The following TAGAP variants were observed in gnomAD, a reference collection of about 807,000 sequenced individuals.
TAGAP encodes the protein T-cell activation Rho GTPase-activating protein.
A neutral mutation model predicts 36.0 loss-of-function variants in TAGAP; 16 were observed. The observed-to-expected ratio is 0.44, with a 90% confidence interval of 0.30 to 0.68. TAGAP has a LOEUF of 0.68. TAGAP is among the 30% of genes least tolerant of loss of function. The probability of loss-of-function intolerance (pLI) is 0.09; values close to 1 mark genes in which losing one functional copy is unlikely to be tolerated. For missense variants in TAGAP, 794 were observed against 921.5 expected, an observed-to-expected ratio of 0.86 and a Z score of 1.79; for synonymous variants, 372 against 377.4, an observed-to-expected ratio of 0.99 and a Z score of 0.17.
intron 6 of TAGAP, 32 bp from the exon 7 acceptor site, chr6:159,040,864 G>T: frequency 3.3e-6 from 5 of 1,536,620 alleles, no homozygotes; most frequent in Non-Finnish European, 4.5e-6. Context: ...TTGGCCTATT[G>T]GTACTGTATG....
rs1453034134 is a variant in TAGAP at position 159,043,987 on chromosome 6, A to T, written c.72T>A (p.Cys24Ter). ...NANNMETLIE[C>*]QSEGDIKEHP... ...AAAATTGCTTTCTTACCTCTGATTGACATTCGATTAGTGTCTCCATATTAT... is the reference window on the plus strand; with the variant it reads ...AAAATTGCTTTCTTACCTCTGATTGTCATTCGATTAGTGTCTCCATATTAT... Residue 24 changes from cysteine (C) to a stop codon, truncating the protein, a stop_gained, in exon 3 of 10, where the codon TGT becomes TGA. Transcript: ENST00000367066. LOFTEE classifies it high-confidence loss of function. 1 of 1,613,620 alleles carries T rather than the reference A, an allele frequency of 6.2e-7. No homozygotes were observed. Among genetic ancestry groups the T allele is most frequent in the East Asian group, 2.2e-5 (1 of 44,888 alleles).
In TAGAP at chr6:159,042,251, C is replaced by T. The variant is rs761446718; in HGVS notation, c.149-7G>A. The T allele has an allele frequency of 8.7e-6, 14 of 1,602,518 alleles. No individual in the cohort carries two copies. The South Asian group carries it at 1.5e-4, about 17-fold the overall frequency. ...TTCTTTCTCTTCTTAACTTCTACAG[C>T]CAAGAAAACAAGGCAACGAGAAAAA... is the stretch of plus-strand genomic sequence containing the variant. On this transcript the variant is annotated splice_polypyrimidine_tract_variant and splice_region_variant and intron_variant, in intron 4 of 9. Coordinates refer to ENST00000367066, the MANE Select transcript of TAGAP (RefSeq NM_054114.5).
Position 159,035,687 on chromosome 6 carries a change from G to T in TAGAP, c.*140C>A. The T allele has an allele frequency of 1.3e-6, 1 of 770,832 alleles. No homozygotes were observed. The highest frequency in any genetic ancestry group is 2.0e-6 in the Non-Finnish European group (1 of 493,446). 47.7% of individuals were successfully genotyped at this position (770,832 alleles called of 1,614,324 possible). On this transcript the variant is annotated 3_prime_UTR_variant, in exon 10 of 10. Transcript: ENST00000367066. ...TCTGATGCGCCATGGCCATGGTGTAGCTATCCTCACTGAGGAGGGCTTTCC... is the reference window on the plus strand; with the variant it reads ...TCTGATGCGCCATGGCCATGGTGTATCTATCCTCACTGAGGAGGGCTTTCC...
chr6:159,041,449 C>T lies in TAGAP; in HGVS notation c.382G>A (p.Glu128Lys). The T allele has an allele frequency of 6.2e-7, 1 of 1,614,184 alleles. No individual in the cohort carries two copies. ...TCCTTCAGCTCCTTACGGGCTTTCTCGTTGGCTGCTCTCCTGAATATCCCT... is the reference window on the plus strand; with the variant it reads ...TCCTTCAGCTCCTTACGGGCTTTCTTGTTGGCTGCTCTCCTGAATATCCCT... ...TEGIFRRAAN[E>K]KARKELKEEL... Residue 128 changes from glutamate to lysine, a missense_variant, in exon 6 of 10, where the codon GAG becomes AAG. By Grantham distance (56) the Glu-to-Lys change is moderately conservative. Coordinates refer to ENST00000367066, the MANE Select transcript of TAGAP (RefSeq NM_054114.5). This position sits in a 1 kb window ranked among gnomAD's most constrained non-coding sequence, Gnocchi z 4.1.
At position 159,036,768 on chromosome 6, in the gene TAGAP, C is replaced by T; in HGVS notation, c.1255G>A (p.Glu419Lys). ...VGSRLESEEAEDPFPEEVFPA... is the reference protein window; with the variant it reads ...VGSRLESEEAKDPFPEEVFPA... ...AAGACCTCCTCTGGAAATGGGTCTT[C>T]AGCCTCCTCACTTTCCAAACGAGAG... Residue 419 changes from glutamate (E) to lysine (K), a missense_variant, in exon 10 of 10, where the codon GAA becomes AAA. Coordinates refer to ENST00000367066, the MANE Select transcript of TAGAP (RefSeq NM_054114.5). The surrounding 1 kb of genome is among the most constrained non-coding windows in gnomAD (Gnocchi z 4.9). 6.2e-7 allele frequency: 1 copy of T among 1,614,206 alleles called. No homozygotes were observed. The highest frequency in any genetic ancestry group is 8.5e-7 in the Non-Finnish European group (1 of 1,180,024).
rs762424596 is a variant in TAGAP, at chr6:159,036,684, G to A, written c.1339C>T (p.Pro447Ser). The A allele has an allele frequency of 6.2e-7, 1 of 1,614,014 alleles. No individual in the cohort carries two copies. The highest frequency in any genetic ancestry group is 2.2e-5 in the East Asian group (1 of 44,868). ...PVDLKIKNLA[P>S]GSVLPRALVL... is the part of the protein sequence containing the mutation. ...AGTGCCCGCGGGAGCACCGAACCCG[G>A]GGCCAAGTTCTTGATCTTCAGGTCC... Residue 447 changes from proline to serine, a missense_variant, in exon 10 of 10, where the codon CCG (proline) becomes TCG (serine). By Grantham distance (74) the Pro-to-Ser change is moderately conservative. Transcript: ENST00000367066. The surrounding 1 kb of genome is among the most constrained non-coding windows in gnomAD (Gnocchi z 4.9).
intron 4 of TAGAP, chr6:159,042,475 A>G (rs756005046): frequency 2.4e-5 from 20 of 820,894 alleles, no homozygotes; most frequent in African/African-American, 3.4e-5. Flanking sequence ...AAACAGCAAC[A>G]CCAGAGTTCC....
chr6:159,044,961 C>G lies in TAGAP; in HGVS notation c.-141G>C. Reference sequence around the variant, plus strand: ...GAAACAGCATAACTCTCTGCTCCTTCTAGTCCACTGGGAGAGAGAGAGACC... The same window carrying G: ...GAAACAGCATAACTCTCTGCTCCTTGTAGTCCACTGGGAGAGAGAGAGACC... On this transcript the variant is annotated 5_prime_UTR_variant, in exon 1 of 10. Coordinates refer to ENST00000367066, the MANE Select transcript of TAGAP (RefSeq NM_054114.5). 2.5e-6 allele frequency: 1 copy of G among 398,578 alleles called. No homozygotes were observed. The highest frequency in any genetic ancestry group is 4.4e-6 in the Non-Finnish European group (1 of 226,056). The allele number at this position is 398,578 out of a possible 1,614,324, so 24.7% of individuals were successfully genotyped here. A position where few individuals can be genotyped will look rare whatever the true frequency, so the allele number is the denominator to read the frequency against.
intron 3 of TAGAP, 53 bp from the exon 4 acceptor site, chr6:159,043,708 T>A (rs1354638031): frequency 5.2e-6 from 8 of 1,543,148 alleles, no homozygotes; most frequent in African/African-American, 1.4e-5. Context: ...ACCTATCGAG[T>A]CTTTCCCCAC....
chr6:159,036,128 C>G lies in TAGAP; in HGVS notation c.1895G>C (p.Cys632Ser), dbSNP rs1293359751. The change falls in exon 10 of 10, where the codon TGC becomes TCC. Residue 632 changes from cysteine to serine, a missense_variant. By Grantham distance (112) the Cys-to-Ser change is moderately radical. Transcript: ENST00000367066. The surrounding 1 kb of genome is among the most constrained non-coding windows in gnomAD (Gnocchi z 4.9). ...AGCAGGTGGAAGAGGGGGTAGGAGGCAGTGCGCCTCCAGCATCCTCGCCCT... is the reference window on the plus strand; with the variant it reads ...AGCAGGTGGAAGAGGGGGTAGGAGGGAGTGCGCCTCCAGCATCCTCGCCCT... ...SMRARMLEAH[C>S]LLPPLPPAHH... The G allele has an allele frequency of 6.2e-7, 1 of 1,613,444 alleles. No homozygotes were observed. The highest frequency in any genetic ancestry group is 1.3e-5 in the African/African-American group (1 of 74,854).
In TAGAP at chr6:159,040,717, A is replaced by C. The variant is rs758784684; in HGVS notation, c.587+6T>G. ...CTGGCAATGACCGATGACTTTGATGACTTACTGTTTCAGGGCCTCGATTCT... is the reference window on the plus strand; with the variant it reads ...CTGGCAATGACCGATGACTTTGATGCCTTACTGTTTCAGGGCCTCGATTCT... On this transcript the variant is annotated splice_donor_region_variant and intron_variant, in intron 7 of 9. Transcript: ENST00000367066. 66 of 1,612,532 alleles carry C rather than the reference A, an allele frequency of 4.1e-5. No homozygotes were observed. The highest frequency in any genetic ancestry group is 5.1e-5 in the Non-Finnish European group (60 of 1,178,782).
At position 159,036,607 on chromosome 6, in the gene TAGAP, C is replaced by T. The variant is rs544687859; in HGVS notation, c.1416G>A (p.Ser472=). ...TGGGACTGGAAGGAGAAGCCACGGG[C>T]GAGCTGTCAGAGGACGCGTCCAGCG... The part of the protein sequence containing the change: ...SSSLDASSDS[S]PVASPSSPKR... Residue 472 remains serine (S), a synonymous_variant, in exon 10 of 10, where the codon TCG becomes TCA. Coordinates refer to ENST00000367066, the MANE Select transcript of TAGAP (RefSeq NM_054114.5). This position sits in a 1 kb window ranked among gnomAD's most constrained non-coding sequence, Gnocchi z 4.9. 3 of 1,614,108 alleles carry T rather than the reference C, an allele frequency of 1.9e-6. No homozygotes were observed. Among genetic ancestry groups the T allele is most frequent in the Admixed American group, 1.7e-5 (1 of 60,026 alleles).
In TAGAP at chr6:159,037,157, T is replaced by C; in HGVS notation, c.899-33A>G. 1 of 1,502,952 alleles carries C rather than the reference T, an allele frequency of 6.7e-7. No individual in the cohort carries two copies. Among genetic ancestry groups the C allele is most frequent in the Non-Finnish European group, 8.9e-7 (1 of 1,127,520 alleles). The allele number at this position is 1,502,952 out of a possible 1,614,324, so 93.1% of individuals were successfully genotyped here. On this transcript the variant is annotated intron_variant, in intron 9 of 9. Transcript: ENST00000367066. The surrounding 1 kb of genome is among the most constrained non-coding windows in gnomAD (Gnocchi z 5.1). Reference sequence around the variant, plus strand: ...AAGTCAAGCAGCAGTTGAACATTTGTTTGGGTTTATTTATTTATTTATTTT... The same window carrying C: ...AAGTCAAGCAGCAGTTGAACATTTGCTTGGGTTTATTTATTTATTTATTTT...
chr6:159,036,283 A>G lies in TAGAP; in HGVS notation c.1740T>C (p.Asp580=). 6.2e-7 allele frequency: 1 copy of G among 1,611,770 alleles called. No homozygotes were observed. The highest frequency in any genetic ancestry group is 1.6e-4 in the Middle Eastern group (1 of 6,062). Residue 580 remains aspartate (D), a synonymous_variant, in exon 10 of 10, where the codon GAT becomes GAC. Transcript: ENST00000367066. The surrounding 1 kb of genome is among the most constrained non-coding windows in gnomAD (Gnocchi z 4.9). ...CLRPHALSVD[D]VFQGADWERP... is the part of the protein sequence containing the mutation. The stretch of plus-strand genomic sequence containing the variant: ...TCTCCCAGTCAGCTCCCTGGAACAC[A>G]TCATCCACCGAGAGGGCGTGGGGTC...
chr6:159,038,813 G>T, intron 8 of TAGAP: 1 of 903,988 alleles, frequency 1.1e-6, no homozygotes, highest in Non-Finnish European at 1.5e-6. Context: ...CAGATTGATA[G>T]ACTGATAGAC....
Position 159,039,274 on chromosome 6 carries a change from A to G in TAGAP, c.623T>C (p.Leu208Pro). The G allele has an allele frequency of 6.2e-7, 1 of 1,613,740 alleles. No individual in the cohort carries two copies. Among genetic ancestry groups the G allele is most frequent in the Non-Finnish European group, 8.5e-7 (1 of 1,179,940 alleles). Residue 208 changes from leucine to proline, a missense_variant, in exon 8 of 10, where the codon CTA becomes CCA. Coordinates refer to ENST00000367066, the MANE Select transcript of TAGAP (RefSeq NM_054114.5). ...ADKLPRPNLL[L>P]LKHLVYVLHL... The stretch of plus-strand genomic sequence containing the variant: ...CAGCACATAGACCAAGTGCTTGAGT[A>G]GCAGGAGGTTGGGCCGGGGGAGCTT...
At position 159,041,501 on chromosome 6, in the gene TAGAP, A is replaced by C. The variant is rs925042321; in HGVS notation, c.330T>G (p.Ile110Met). The change falls in exon 6 of 10, where the codon ATT (isoleucine) becomes ATG (methionine). Residue 110 changes from isoleucine to methionine, a missense_variant. By Grantham distance (10) the Ile-to-Met change is conservative. Transcript: ENST00000367066. The surrounding 1 kb of genome is among the most constrained non-coding windows in gnomAD (Gnocchi z 4.1). ...CCGTTGAAGGGCCTTTAAGGCATAG[A>C]ATAGTGAGAATGTCCTAAAGGAAAC... ...LPRPIQDILT[I>M]LCLKGPSTEG... 1.9e-6 allele frequency: 3 copies of C among 1,613,796 alleles called. No homozygotes were observed. Among genetic ancestry groups the C allele is most frequent in the Admixed American group, 1.7e-5 (1 of 59,926 alleles).
rs1156582319 is a variant in TAGAP at position 159,036,442 on chromosome 6, G to A, written c.1581C>T (p.Gly527=). 3 of 1,614,190 alleles carry A rather than the reference G, an allele frequency of 1.9e-6. No individual in the cohort carries two copies. The highest frequency in any genetic ancestry group is 2.2e-5 in the South Asian group (2 of 91,074). ...KKVLTKNLSA[G]SGKSQDFTRD... ...TGGTAAAGTCTTGCGATTTCCCAGA[G>A]CCCGCGCTGAGGTTTTTGGTCAGCA... Residue 527 remains glycine, a synonymous_variant, in exon 10 of 10, where the codon GGC becomes GGT. Transcript: ENST00000367066. This position sits in a 1 kb window ranked among gnomAD's most constrained non-coding sequence, Gnocchi z 4.9.
chr6:159,043,663 C>A lies in TAGAP; in HGVS notation c.82-8G>T. 6.2e-7 allele frequency: 1 copy of A among 1,613,548 alleles called. No individual in the cohort carries two copies. Among genetic ancestry groups the A allele is most frequent in the South Asian group, 1.1e-5 (1 of 91,070 alleles). ...ATGTTCCTTGATATCACCCTAAAAA[C>A]ATTTTTATTTCAGTTAAATATAGTG... On this transcript the variant is annotated splice_region_variant and splice_polypyrimidine_tract_variant and intron_variant, in intron 3 of 9. Transcript: ENST00000367066.
Sources: allele counts gnomAD v4.1 joint callset, GRCh38; gene constraint gnomAD v4.1.1; non-coding constraint Gnocchi (gnomAD v3.1); transcripts MANE v1.5; gene names NCBI Gene and HGNC (gene_info 2026-07-23, HGNC 2026-07-21).